The following CPSF7 variants were observed in gnomAD, a reference collection of about 807,000 sequenced individuals.
The protein encoded by CPSF7 is cleavage and polyadenylation specific factor 7.
CPSF7 carries 1 observed loss-of-function variant against 44.3 expected under a neutral mutation model. That is an observed-to-expected ratio of 0.02 (90% CI 0.01 to 0.11). The LOEUF is 0.11. Among genes scored for constraint, CPSF7 ranks in the 10% least tolerant of loss-of-function variants. CPSF7 has a pLI of 1.00. For missense variants in CPSF7, 443 were observed against 607.2 expected, an observed-to-expected ratio of 0.73 and a Z score of 2.84; for synonymous variants, 202 against 222.0, an observed-to-expected ratio of 0.91 and a Z score of 0.80.
chr11:61,426,381 T>C (rs1359204324), intron 2 of CPSF7: 1 of 152,174 alleles, frequency 6.6e-6, no homozygotes, highest in East Asian at 1.9e-4. Context: ...AACACTAACT[T>C]TGTCAAAAAT....
At position 61,421,417 on chromosome 11, in the gene CPSF7, A is replaced by C; in HGVS notation, c.246T>G (p.Ala82=). The change falls in exon 3 of 10, where the codon GCT becomes GCG. Residue 82 remains alanine (A), a synonymous_variant. Transcript: ENST00000439958. ...AGGAGAAGCTGCCCACATAAACGGCAGCTCGTCTATTACGCAGGCCACTGT... is the reference window on the plus strand; with the variant it reads ...AGGAGAAGCTGCCCACATAAACGGCCGCTCGTCTATTACGCAGGCCACTGT... ...YTYSGLRNRR[A]AVYVGSFSWW... 6.2e-7 allele frequency: 1 copy of C among 1,614,184 alleles called. No homozygotes were observed. The highest frequency in any genetic ancestry group is 1.1e-5 in the South Asian group (1 of 91,078).
chr11:61,427,585 A>C (rs1861501283), intron 2 of CPSF7, among the ~76,000 whole-genome samples: 2 of 150,786 alleles, frequency 1.3e-5, no homozygotes, highest in African/African-American at 4.9e-5. Context: ...CCTGGGAGGC[A>C]GAGGTTGCAG....
intron 8 of CPSF7, 34 bp downstream of exon 8, chr11:61,411,735 G>C: frequency 6.3e-7 from 1 of 1,590,472 alleles, no homozygotes; most frequent in Non-Finnish European, 8.6e-7. Context: ...GTGCTGCTTG[G>C]GGCTGGTAGG....
intron 6 of CPSF7, 158 bp from the exon 7 acceptor site, chr11:61,415,942 G>A (rs1860290042): frequency 1.2e-6 from 1 of 825,516 alleles, no homozygotes; most frequent in Non-Finnish European, 1.9e-6. Flanking sequence ...CCTTAAAAAG[G>A]GGTATAAAGG....
At position 61,429,943 on chromosome 11, in the gene CPSF7, C is replaced by T. The variant is rs1381148461; in HGVS notation, c.-85G>A. The T allele has an allele frequency of 4.3e-6, 6 of 1,394,036 alleles. No individual in the cohort carries two copies. Among genetic ancestry groups the T allele is most frequent in the Non-Finnish European group, 4.8e-6 (5 of 1,042,440 alleles). The allele number at this position is 1,394,036 out of a possible 1,614,324, so 86.4% of individuals were successfully genotyped here. On this transcript the variant is annotated 5_prime_UTR_variant, in exon 1 of 10. Coordinates refer to ENST00000439958, the MANE Select transcript of CPSF7 (RefSeq NM_001142565.3). ...AATATGGCGGCGGCGGCGGCGAGTC[C>T]GGACTAGGCCCGAAGCGCGCGAACC...
chr11:61,420,341 G>C, intron 4 of CPSF7, 129 bp downstream of exon 4: 1 of 857,720 alleles, frequency 1.2e-6, no homozygotes, highest in Non-Finnish European at 1.8e-6. Context: ...TTCTAAGGCA[G>C]TTTGCCAAAA....
At position 61,416,124 on chromosome 11, in the gene CPSF7, G is replaced by C; in HGVS notation, c.919C>G (p.Pro307Ala). 1 of 1,508,020 alleles carries C rather than the reference G, an allele frequency of 6.6e-7. No individual in the cohort carries two copies. 93.4% of individuals were successfully genotyped at this position (1,508,020 alleles called of 1,614,324 possible). A position where few individuals can be genotyped will look rare whatever the true frequency, so the allele number is the denominator to read the frequency against. The change falls in exon 6 of 10, where the codon CCC becomes GCC. Residue 307 changes from proline to alanine, a missense_variant. Coordinates refer to ENST00000439958, the MANE Select transcript of CPSF7 (RefSeq NM_001142565.3). ...CCTTACCTGCCATGGTGGTTATAGG[G>C]GGCAGAGGCCTTCATGTAAGTATCT... Reference protein sequence around the residue: ...PPDTYMKASAPYNHHGSRDSG... With the variant: ...PPDTYMKASAAYNHHGSRDSG...
At chr11:61,426,090 G>C (rs1861311901) in intron 2 of CPSF7, among the ~76,000 whole-genome samples, 1 of 152,132 alleles carries the variant, frequency 6.6e-6, no homozygotes, top group African/African-American at 2.4e-5. Context: ...AAGTAGCTCT[G>C]GCAAAAACAG....
rs1475561411 is a variant in CPSF7 at position 61,416,405 on chromosome 11, A to G, written c.638T>C (p.Leu213Pro). 6.2e-7 allele frequency: 1 copy of G among 1,613,898 alleles called. No individual in the cohort carries two copies. The highest frequency in any genetic ancestry group is 2.2e-5 in the East Asian group (1 of 44,872). ...CGAAGGAGGACGATTGAAGTAGGGC[A>G]GCACACTGGGGGGCTTATCCACACG... ...SARVDKPPSV[L>P]PYFNRPPSAL... Residue 213 changes from leucine (L) to proline (P), a missense_variant, in exon 6 of 10, where the codon CTG becomes CCG. Transcript: ENST00000439958.
intron 8 of CPSF7, 117 bp from the exon 9 acceptor site, chr11:61,411,222 G>A (rs779920734): frequency 2.2e-5 from 22 of 1,020,708 alleles, no homozygotes; most frequent in Non-Finnish European, 2.9e-5. Flanking sequence ...TCTATCATGG[G>A]CCTGCTGTCT....
intron 9 of CPSF7, 186 bp downstream of exon 9, chr11:61,410,752 C>T (rs1046761379): frequency 3.9e-6 from 2 of 514,168 alleles, no homozygotes; most frequent in African/African-American, 2.0e-5. Flanking sequence ...GCAGAAACAG[C>T]TGAATCTCAG....
chr11:61,405,172 G>C (rs1361993452), intron 9 of CPSF7, among the ~76,000 whole-genome samples: 2 of 152,158 alleles, frequency 1.3e-5, no homozygotes, highest in South Asian at 2.1e-4. Context: ...AAGAAAACAA[G>C]TATGTACACA....
At chr11:61,422,074 G>A (rs2135375998) in intron 2 of CPSF7, among the ~76,000 whole-genome samples, 2 of 152,268 alleles carry the variant, frequency 1.3e-5, no homozygotes, top group East Asian at 3.9e-4. Context: ...GAATGCAGAG[G>A]AAAAGCATGA....
At chr11:61,429,395 C>A in intron 1 of CPSF7, 105 bp from the exon 2 acceptor site, 2 of 699,788 alleles carry the variant, frequency 2.9e-6, no homozygotes, top group Admixed American at 2.2e-5. Flanking sequence ...AGCATCCTGG[C>A]GGCCCCAGCT....
chr11:61,422,243 G>A (rs1179403652), intron 2 of CPSF7, among the ~76,000 whole-genome samples: 6 of 151,646 alleles, frequency 4.0e-5, no homozygotes, highest in African/African-American at 1.2e-4. Context: ...AACAACAGGG[G>A]TTTTCCCCTA....
chr11:61,416,182 G>C lies in CPSF7; in HGVS notation c.861C>G (p.Phe287Leu). 1 of 1,520,048 alleles carries C rather than the reference G, an allele frequency of 6.6e-7. No individual in the cohort carries two copies. Among genetic ancestry groups the C allele is most frequent in the Non-Finnish European group, 8.8e-7 (1 of 1,136,658 alleles). The allele number at this position is 1,520,048 out of a possible 1,614,324, so 94.2% of individuals were successfully genotyped here. ...PPALHLNPAF[F>L]PPPNATVGPP... ...GCCCCACTGTAGCGTTTGGTGGGGG[G>C]AAGAAGGCTGGATTGAGGTGAAGGG... Residue 287 changes from phenylalanine to leucine, a missense_variant, in exon 6 of 10, where the codon TTC (phenylalanine) becomes TTG (leucine). Physicochemically the swap from Phe to Leu is conservative, Grantham distance 22. Coordinates refer to ENST00000439958, the MANE Select transcript of CPSF7 (RefSeq NM_001142565.3).
rs145433533 is a variant in CPSF7 at position 61,419,976 on chromosome 11, A to G, written c.496T>C (p.Ser166Pro). 6 of 1,614,026 alleles carry G rather than the reference A, an allele frequency of 3.7e-6. No individual in the cohort carries two copies. The African/African-American group carries it at 6.7e-5, about 18-fold the overall frequency. Residue 166 changes from serine (S) to proline (P), a missense_variant, in exon 5 of 10, where the codon TCA becomes CCA. Coordinates refer to ENST00000439958, the MANE Select transcript of CPSF7 (RefSeq NM_001142565.3). The part of the protein sequence containing the change: ...DVRPATRQNL[S>P]QFEAQARKRI... The stretch of plus-strand genomic sequence containing the variant: ...TTCCGAGCCTGTGCCTCAAACTGTG[A>G]CAGGTTCTGCCGGGTGGCCGGCCTC...
chr11:61,409,700 G>A (rs1476121381), intron 9 of CPSF7, among the ~76,000 whole-genome samples: 3 of 151,020 alleles, frequency 2.0e-5, no homozygotes, highest in Admixed American at 6.6e-5. Context: ...TCTCGGCCAG[G>A]CATGGTGGCT....
intron 1 of CPSF7, 86 bp downstream of exon 1, chr11:61,429,828 C>G: frequency 6.5e-7 from 1 of 1,547,840 alleles, no homozygotes; most frequent in Non-Finnish European, 8.7e-7. Flanking sequence ...CCGGCCGTCC[C>G]ATCTCAACCG....
Sources: allele counts gnomAD v4.1 joint callset (sites outside exome capture counted in the v4.1 genomes callset), GRCh38; gene constraint gnomAD v4.1.1; transcripts MANE v1.5; gene names NCBI Gene and HGNC (gene_info 2026-07-23, HGNC 2026-07-21).